SDK2: variants seen among roughly 807,000 people sequenced by gnomAD.
SDK2 encodes the protein protein sidekick-2.
SDK2 carries 105 observed loss-of-function variants against 253.9 expected under a neutral mutation model. The ratio of observed to expected loss-of-function variants is 0.41; its 90% CI spans 0.35 to 0.49. The LOEUF (loss-of-function observed/expected upper bound fraction) is 0.49, where lower values mean the gene tolerates loss of function less well. SDK2 is among the 20% of genes least tolerant of loss of function. The probability of loss-of-function intolerance (pLI) is 0.06; values close to 1 mark genes in which losing one functional copy is unlikely to be tolerated. For synonymous variants in SDK2, 1,249 were observed against 1,234.9 expected, an observed-to-expected ratio of 1.01 and a Z score of -0.24; for missense variants, 2,608 against 3,003.0, an observed-to-expected ratio of 0.87 and a Z score of 3.07.
chr17:73,497,897 G>C (rs1030372129), intron 2 of SDK2, among the ~76,000 whole-genome samples: 2 of 152,110 alleles, frequency 1.3e-5, no homozygotes, highest in Non-Finnish European at 2.9e-5. Flanking sequence ...CCTTGGCCAC[G>C]TGGACCTTCT....
chr17:73,550,246 T>C (rs1345269843), intron 1 of SDK2, among the ~76,000 whole-genome samples: 1 of 152,072 alleles, frequency 6.6e-6, no homozygotes, highest in Non-Finnish European at 1.5e-5. Context: ...ACTGCCAAGG[T>C]AGGAGCCTCT....
At chr17:73,550,673 A>G (rs2045041269) in intron 1 of SDK2, among the ~76,000 whole-genome samples, 1 of 152,242 alleles carries the variant, frequency 6.6e-6, no homozygotes, top group African/African-American at 2.4e-5. Context: ...TCCACTCAAG[A>G]AAGCAGAAAC....
chr17:73,437,373 G>A (rs760399398), intron 8 of SDK2, among the ~76,000 whole-genome samples: 1 of 152,132 alleles, frequency 6.6e-6, no homozygotes, highest in Non-Finnish European at 1.5e-5. Context: ...AACAGGCTGA[G>A]CTTATAAGAC....
At chr17:73,486,797 C>T (rs1254169432) in intron 2 of SDK2, among the ~76,000 whole-genome samples, 1 of 151,984 alleles carries the variant, frequency 6.6e-6, no homozygotes, top group African/African-American at 2.4e-5. Flanking sequence ...CCTTACAATG[C>T]TCCTACTTCC....
chr17:73,350,098 C>T (rs1462863820), intron 43 of SDK2, 139 bp downstream of exon 43: 1 of 814,602 alleles, frequency 1.2e-6, no homozygotes, highest in East Asian at 2.7e-5. Context: ...CTGATCGTTC[C>T]CAGCCCTGGG....
chr17:73,384,078 C>G (rs775800378), intron 32 of SDK2, 67 bp from the exon 33 acceptor site: 71 of 1,530,728 alleles, frequency 4.6e-5, no homozygotes, highest in Admixed American at 1.9e-5. Context: ...CACGCTCTCT[C>G]ATCATGCCTC....
At position 73,570,521 on chromosome 17, in the gene SDK2, G is replaced by T. The variant is rs978336840; in HGVS notation, c.65-62924C>A. The stretch of plus-strand genomic sequence containing the variant: ...ACCCACCCAGCACCCCTCTTGTGAT[G>T]ATGGCGGTGATGGTGATGGTGAGGC... On this transcript the variant is annotated intron_variant, in intron 1 of 44. Coordinates refer to ENST00000392650, the MANE Select transcript of SDK2 (RefSeq NM_001144952.2). This position sits in a 1 kb window ranked among gnomAD's most constrained non-coding sequence, Gnocchi z 4.2. 8.5e-5 allele frequency among the ~76,000 whole-genome samples: 13 copies of T among 152,260 alleles called. No individual in the cohort carries two copies. Among genetic ancestry groups the T allele is most frequent in the African/African-American group, 3.1e-4 (13 of 41,546 alleles).
intron 4 of SDK2, among the ~76,000 whole-genome samples, chr17:73,454,603 C>T (rs1458428090): frequency 6.6e-6 from 1 of 152,222 alleles, no homozygotes; most frequent in Admixed American, 6.5e-5. Context: ...CAGAGTGTGG[C>T]TGTCCGGAAA....
chr17:73,613,453 G>A (rs1018390705), intron 1 of SDK2, among the ~76,000 whole-genome samples: 1 of 150,694 alleles, frequency 6.6e-6, no homozygotes, highest in African/African-American at 2.4e-5. Flanking sequence ...GACAGGCACC[G>A]TATTGTCACG....
intron 1 of SDK2, chr17:73,518,639 G>A (rs2064050423): frequency 6.6e-6 from 1 of 152,214 alleles, no homozygotes; most frequent in Non-Finnish European, 1.5e-5. Flanking sequence ...ATTTCCCTTG[G>A]AGGGTTCAGA....
intron 1 of SDK2, chr17:73,520,323 G>C (rs527604806): frequency 6.6e-6 from 1 of 152,322 alleles, no homozygotes; most frequent in Non-Finnish European, 1.5e-5. Flanking sequence ...AACCCACGAG[G>C]TCTGGTGGCC....
chr17:73,370,836 G>A (rs1415679980), intron 36 of SDK2, among the ~76,000 whole-genome samples: 3 of 151,972 alleles, frequency 2.0e-5, no homozygotes, highest in Admixed American at 6.6e-5. Flanking sequence ...GCTGAGAGAG[G>A]GGAATCGCCT....
chr17:73,409,031 AT>A (rs1345158923), intron 18 of SDK2, among the ~76,000 whole-genome samples: 1 of 152,186 alleles, frequency 6.6e-6, no homozygotes. Flanking sequence ...AATGCCTGGA[AT>A]TTGCTTCAAA....
intron 1 of SDK2, among the ~76,000 whole-genome samples, chr17:73,524,612 A>G (rs2064110859): frequency 6.6e-6 from 1 of 151,842 alleles, no homozygotes; most frequent in Non-Finnish European, 1.5e-5. Flanking sequence ...CCTTCCCAGG[A>G]CCCCTGTCTG....
intron 2 of SDK2, among the ~76,000 whole-genome samples, chr17:73,498,172 A>G (rs1363244259): frequency 6.6e-6 from 1 of 152,186 alleles, no homozygotes; most frequent in Non-Finnish European, 1.5e-5. Context: ...TCTGGTCACA[A>G]CCGGCACCCA....
chr17:73,496,071 G>A lies in SDK2; in HGVS notation c.224+11367C>T, dbSNP rs1289035640. On this transcript the variant is annotated intron_variant, in intron 2 of 44. Coordinates refer to ENST00000392650, the MANE Select transcript of SDK2 (RefSeq NM_001144952.2). This position sits in a 1 kb window ranked among gnomAD's most constrained non-coding sequence, Gnocchi z 4.7. The stretch of plus-strand genomic sequence containing the variant: ...TGAGGAAAAGGAACCTGGACTTCCC[G>A]GGAGGGTGGGAAGGAACCGTGGCCA... Among the ~76,000 whole-genome samples, 7 of 152,150 alleles carry A rather than the reference G, an allele frequency of 4.6e-5. No individual in the cohort carries two copies. Among genetic ancestry groups the A allele is most frequent in the South Asian group, 2.1e-4 (1 of 4,824 alleles).
chr17:73,621,773 A>G (rs2046136459), intron 1 of SDK2, among the ~76,000 whole-genome samples: 1 of 152,172 alleles, frequency 6.6e-6, no homozygotes, highest in South Asian at 2.1e-4. Context: ...AAGAACAGAG[A>G]GTAAGAAGAT....
chr17:73,379,929 C>T lies in SDK2; in HGVS notation c.4763-380G>A, dbSNP rs1188463015. 6.6e-6 allele frequency among the ~76,000 whole-genome samples: 1 copy of T among 152,148 alleles called. No individual in the cohort carries two copies. Among genetic ancestry groups the T allele is most frequent in the African/African-American group, 2.4e-5 (1 of 41,440 alleles). ...AGCCTGTCCTCTTTCCCCACCGTGA[C>T]AGATGCCCAGAGTCCCCATCCACCA... is the stretch of plus-strand genomic sequence containing the variant. On this transcript the variant is annotated intron_variant, in intron 34 of 44. Coordinates refer to ENST00000392650, the MANE Select transcript of SDK2 (RefSeq NM_001144952.2). The surrounding 1 kb of genome is among the most constrained non-coding windows in gnomAD (Gnocchi z 4.5).
rs976642823 is a variant in SDK2 at position 73,576,709 on chromosome 17, G to A, written c.64+67316C>T. Among the ~76,000 whole-genome samples the A allele has an allele frequency of 1.3e-5, 2 of 152,160 alleles. 1 individual carries two copies. Among genetic ancestry groups the A allele is most frequent in the Admixed American group, 1.3e-4 (2 of 15,284 alleles). ...AGTACACTCCCCCAGAGAGGCCAGG[G>A]GGTTGCCAGTACCTATAGGTCTCCC... On this transcript the variant is annotated intron_variant, in intron 1 of 44. Coordinates refer to ENST00000392650, the MANE Select transcript of SDK2 (RefSeq NM_001144952.2).
Sources: gnomAD v4.1 joint callset for allele counts (sites outside exome capture counted in the v4.1 genomes callset) on GRCh38, gnomAD v4.1.1 for gene constraint, Gnocchi (gnomAD v3.1) non-coding constraint, MANE v1.5 for transcripts, NCBI Gene and HGNC (gene_info 2026-07-23, HGNC 2026-07-21) for gene names.